Variants in MAPK10 observed in about 807,000 individuals in gnomAD.
The protein encoded by MAPK10 is mitogen-activated protein kinase 10, also known as JNK3 alpha protein kinase.
MAPK10 carries 25 observed loss-of-function variants against 59.3 expected under a neutral mutation model. That is an observed-to-expected ratio of 0.42 (90% confidence interval 0.31 to 0.59). The LOEUF (loss-of-function observed/expected upper bound fraction) is 0.59. Among genes scored for constraint, MAPK10 ranks in the 20% least tolerant of loss-of-function variants. MAPK10 has a pLI of 0.15. For synonymous variants in MAPK10, 190 were observed against 200.5 expected (o/e 0.95, Z 0.44); for missense variants, 351 against 568.9 (o/e 0.62, Z 3.90).
At chr4:86,515,820 G>A (rs568912226) in intron 1 of MAPK10, among the ~76,000 whole-genome samples, 2 of 151,012 alleles carry the variant, frequency 1.3e-5, no homozygotes, top group East Asian at 3.9e-4. Flanking sequence ...TTCTTTTGTT[G>A]TGCAGAAGCT....
chr4:86,492,995 T>G (rs1754589442), intron 1 of MAPK10, among the ~76,000 whole-genome samples: 1 of 152,186 alleles, frequency 6.6e-6, no homozygotes, highest in African/African-American at 2.4e-5. Flanking sequence ...ATTGAAAACC[T>G]AACTTAGTAG....
chr4:86,229,910 A>T (rs887980285), intron 2 of MAPK10, among the ~76,000 whole-genome samples: 1 of 152,014 alleles, frequency 6.6e-6, no homozygotes, highest in African/African-American at 2.4e-5. Flanking sequence ...AAAATCAAAA[A>T]ATTAGCTAGG....
At chr4:86,068,187 T>C (rs1049709945) in intron 9 of MAPK10, among the ~76,000 whole-genome samples, 7 of 152,190 alleles carry the variant, frequency 4.6e-5, no homozygotes, top group African/African-American at 1.7e-4. Context: ...TTTAACAAAA[T>C]AAGATATCAT....
intron 2 of MAPK10, among the ~76,000 whole-genome samples, chr4:86,230,584 TAAGTA>T (rs1412099131): frequency 6.6e-6 from 1 of 152,216 alleles, no homozygotes; most frequent in East Asian, 1.9e-4. Context: ...GCCTAATACT[TAAGTA>T]AATATATACA....
At chr4:86,331,277 G>C (rs2096146613) in intron 2 of MAPK10, among the ~76,000 whole-genome samples, 1 of 152,092 alleles carries the variant, frequency 6.6e-6, no homozygotes, top group African/African-American at 2.4e-5. Context: ...GTTTTCAAAG[G>C]AGTAGAAAAT....
chr4:86,205,555 C>G (rs1037465017), intron 2 of MAPK10, among the ~76,000 whole-genome samples: 5 of 151,626 alleles, frequency 3.3e-5, no homozygotes, highest in Admixed American at 1.3e-4. Context: ...TATGAACACA[C>G]AGGTGAAAAA....
In MAPK10 at chr4:86,354,598, T is replaced by A. The variant is rs753378890; in HGVS notation, c.-75A>T. 4 of 1,231,314 alleles carry A rather than the reference T, an allele frequency of 3.2e-6. No homozygotes were observed. In the South Asian group the frequency reaches 1.6e-4, roughly 51 times the overall value. 76.3% of individuals were successfully genotyped at this position (1,231,314 alleles called of 1,614,324 possible). A position where few individuals can be genotyped will look rare whatever the true frequency, so the allele number is the denominator to read the frequency against. On this transcript the variant is annotated 5_prime_UTR_variant, in exon 2 of 14. It removes an upstream start codon present in the reference 5' UTR. Coordinates refer to ENST00000641462, the MANE Select transcript of MAPK10 (RefSeq NM_138982.4). ...CAACAGTTTCTTGCATAAGTTGCCATAGTGAAGATCTGAGATGGGCCTGCT... is the reference window on the plus strand; with the variant it reads ...CAACAGTTTCTTGCATAAGTTGCCAAAGTGAAGATCTGAGATGGGCCTGCT...
intron 1 of MAPK10, among the ~76,000 whole-genome samples, chr4:86,441,490 A>G (rs1306072602): frequency 6.6e-6 from 1 of 152,244 alleles, no homozygotes; most frequent in African/African-American, 2.4e-5. Flanking sequence ...TTCCAGGGAC[A>G]TGCTATTTCA....
At chr4:86,328,515 G>A (rs890701791) in intron 2 of MAPK10, among the ~76,000 whole-genome samples, 2 of 152,066 alleles carry the variant, frequency 1.3e-5, no homozygotes, top group African/African-American at 2.4e-5. Flanking sequence ...ATACCCAAAG[G>A]AATATAAATC....
intron 1 of MAPK10, among the ~76,000 whole-genome samples, chr4:86,448,422 T>C (rs1014353891): frequency 1.3e-5 from 2 of 152,008 alleles, no homozygotes; most frequent in African/African-American, 4.8e-5. Context: ...TATCTTAAAT[T>C]TATGGATTAA....
chr4:86,262,525 T>A (rs763731381), intron 2 of MAPK10, among the ~76,000 whole-genome samples: 3 of 151,900 alleles, frequency 2.0e-5, no homozygotes, highest in Non-Finnish European at 2.9e-5. Flanking sequence ...TGTCAGGAGG[T>A]TTCTGGTTGC....
intron 1 of MAPK10, among the ~76,000 whole-genome samples, chr4:86,401,589 C>T (rs577062877): frequency 6.6e-6 from 1 of 152,104 alleles, no homozygotes; most frequent in South Asian, 2.1e-4. Flanking sequence ...TCATGTTTCT[C>T]TTTTTACTTT....
intron 1 of MAPK10, among the ~76,000 whole-genome samples, chr4:86,459,567 T>C (rs1158359368): frequency 6.6e-6 from 1 of 152,188 alleles, no homozygotes; most frequent in Non-Finnish European, 1.5e-5. Context: ...AGATAGATGA[T>C]GGAATACTAC....
chr4:86,465,014 A>G (rs1358826577), intron 1 of MAPK10, among the ~76,000 whole-genome samples: 1 of 152,248 alleles, frequency 6.6e-6, no homozygotes, highest in South Asian at 2.1e-4. Context: ...TTATCTGGAA[A>G]GAAGCTAAAG....
chr4:86,165,148 A>C (rs1391594370), intron 3 of MAPK10, among the ~76,000 whole-genome samples: 3 of 152,170 alleles, frequency 2.0e-5, no homozygotes, highest in African/African-American at 7.2e-5. Context: ...TAGTATGGTC[A>C]TTTGGATACC....
chr4:86,525,233 G>A (rs963334153), intron 1 of MAPK10, among the ~76,000 whole-genome samples: 1 of 152,118 alleles, frequency 6.6e-6, no homozygotes, highest in Non-Finnish European at 1.5e-5. Context: ...GGAGGCAGAG[G>A]CTGCAGTGAG....
At chr4:86,022,123 C>G (rs1350347872) in intron 13 of MAPK10, among the ~76,000 whole-genome samples, 1 of 152,228 alleles carries the variant, frequency 6.6e-6, no homozygotes, top group African/African-American at 2.4e-5. Context: ...AGGGGAGGTG[C>G]CGAGAGCAAG....
At chr4:86,273,588 T>C (rs374037269) in intron 2 of MAPK10, among the ~76,000 whole-genome samples, 3 of 151,888 alleles carry the variant, frequency 2.0e-5, no homozygotes, top group African/African-American at 7.2e-5. Context: ...TGGTAGCATC[T>C]AGGTCTGCTT....
intron 2 of MAPK10, among the ~76,000 whole-genome samples, chr4:86,295,379 C>T (rs1000286294): frequency 2.6e-5 from 4 of 152,160 alleles, no homozygotes; most frequent in Admixed American, 6.5e-5. Context: ...ACTCCTTAAC[C>T]TCCTTCCCAG....
Sources: allele counts gnomAD v4.1 joint callset (sites outside exome capture counted in the v4.1 genomes callset), GRCh38; gene constraint gnomAD v4.1.1; transcripts MANE v1.5; gene names NCBI Gene and HGNC (gene_info 2026-07-23, HGNC 2026-07-21).